The following MTCL2 variants were observed in gnomAD, a reference collection of about 807,000 sequenced individuals.
MTCL2 encodes the protein microtubule crosslinking factor 2, also known as microtubule cross-linking factor 2.
chr20:36,786,545 C>T, the MTCL2 span: 2 of 1,551,118 alleles, frequency 1.3e-6, no homozygotes, highest in Admixed American at 2.0e-5. Context: ...AAGGGTGCAG[C>T]CTGCACTTGG....
At chr20:36,808,847 G>A in the MTCL2 span, 1 of 1,008,470 alleles carries the variant, frequency 9.9e-7, no homozygotes, top group Non-Finnish European at 1.4e-6. Context: ...GGTGGTGCCT[G>A]TGAGTGATCC....
At chr20:36,856,861 T>C in the MTCL2 span, among the ~76,000 whole-genome samples, 2 of 151,964 alleles carry the variant, frequency 1.3e-5, no homozygotes, top group African/African-American at 2.4e-5. Flanking sequence ...TGTGTGTGCG[T>C]GCGCGCACGT....
chr20:36,815,756 A>G, the MTCL2 span: 2 of 1,591,354 alleles, frequency 1.3e-6, no homozygotes, highest in Admixed American at 3.5e-5. The surrounding 1 kb of genome is among the most constrained non-coding windows in gnomAD (Gnocchi z 5.3). Context: ...TGAGCACAGA[A>G]CAACTGTCCT....
chr20:36,801,463 C>A, the MTCL2 span, among the ~76,000 whole-genome samples: 4 of 151,530 alleles, frequency 2.6e-5, no homozygotes, highest in South Asian at 8.3e-4. Flanking sequence ...AAAGGCCCAG[C>A]GACTCGGGAG....
the MTCL2 span, among the ~76,000 whole-genome samples, chr20:36,816,973 A>C: frequency 6.6e-6 from 1 of 152,100 alleles, no homozygotes; most frequent in Non-Finnish European, 1.5e-5. Context: ...AAACTAAGAA[A>C]ATGAGCAAGG....
the MTCL2 span, among the ~76,000 whole-genome samples, chr20:36,824,909 C>T: frequency 1.3e-4 from 19 of 151,648 alleles, no homozygotes; most frequent in African/African-American, 4.4e-4. Flanking sequence ...CTGCCTCGGC[C>T]TCCCAAAGTG....
At chr20:36,861,204 G>T in the MTCL2 span, among the ~76,000 whole-genome samples, 1 of 152,160 alleles carries the variant, frequency 6.6e-6, no homozygotes, top group Non-Finnish European at 1.5e-5. Context: ...AAAGACCCTT[G>T]TCCTGGCTCG....
the MTCL2 span, chr20:36,794,020 C>T: frequency 3.2e-6 from 5 of 1,551,562 alleles, no homozygotes; most frequent in South Asian, 1.2e-5. This position sits in a 1 kb window ranked among gnomAD's most constrained non-coding sequence, Gnocchi z 5.4. Flanking sequence ...AGCGCATGGC[C>T]TGGCGCACAC....
At chr20:36,786,786 CT>C in the MTCL2 span, 1 of 685,618 alleles carries the variant, frequency 1.5e-6, no homozygotes, top group Non-Finnish European at 2.4e-6. Context: ...CCAATTTTTT[CT>C]TTCTGTTGTT....
At chr20:36,858,057 C>A in the MTCL2 span, among the ~76,000 whole-genome samples, 3 of 152,158 alleles carry the variant, frequency 2.0e-5, no homozygotes, top group Non-Finnish European at 4.4e-5. Context: ...GACAGGATTC[C>A]TCTCACCAAA....
the MTCL2 span, among the ~76,000 whole-genome samples, chr20:36,855,099 C>T: frequency 6.6e-6 from 1 of 152,206 alleles, no homozygotes; most frequent in Non-Finnish European, 1.5e-5. Flanking sequence ...ACGGGGGTCA[C>T]ACCAGAGCCA....
At chr20:36,796,947 G>T in the MTCL2 span, 8 of 1,613,962 alleles carry the variant, frequency 5.0e-6, no homozygotes, top group Non-Finnish European at 6.8e-6. Context: ...TCTTCTCACT[G>T]CGTGTCTGTC....
the MTCL2 span, chr20:36,808,519 G>A: frequency 1.7e-5 from 27 of 1,593,278 alleles, no homozygotes; most frequent in Middle Eastern, 1.6e-4. Context: ...TTACCTCGAG[G>A]AAGTCATCCC....
the MTCL2 span, among the ~76,000 whole-genome samples, chr20:36,811,638 A>C: frequency 9.9e-5 from 15 of 152,220 alleles, no homozygotes; most frequent in Admixed American, 8.5e-4. Context: ...TAAAAAAAAA[A>C]AAACAAAAAA....
chr20:36,862,652 C>A, the MTCL2 span: 1 of 1,493,940 alleles, frequency 6.7e-7, no homozygotes. Context: ...ACCCGGGCGC[C>A]CCCACCTTGA....
the MTCL2 span, among the ~76,000 whole-genome samples, chr20:36,852,343 G>A: frequency 6.6e-6 from 1 of 152,132 alleles, no homozygotes; most frequent in Non-Finnish European, 1.5e-5. Flanking sequence ...CGGAAGGGCT[G>A]CTCTGTGGAG....
chr20:36,852,314 G>A, the MTCL2 span, among the ~76,000 whole-genome samples: 2 of 142,148 alleles, frequency 1.4e-5, no homozygotes, highest in Non-Finnish European at 1.6e-5. Context: ...GCCCGGGCCC[G>A]GGCCACTCAC....
the MTCL2 span, among the ~76,000 whole-genome samples, chr20:36,799,417 G>C: frequency 6.6e-6 from 1 of 152,114 alleles, no homozygotes; most frequent in Admixed American, 6.6e-5. Flanking sequence ...GTTTGAACGC[G>C]GGAGGCAGAG....
the MTCL2 span, among the ~76,000 whole-genome samples, chr20:36,831,829 G>A: frequency 2.0e-5 from 3 of 152,210 alleles, no homozygotes; most frequent in African/African-American, 7.2e-5. Context: ...TACTGGCTAT[G>A]TGACCCAGGT....
Sources: allele counts gnomAD v4.1 joint callset (sites outside exome capture counted in the v4.1 genomes callset), GRCh38; gene constraint gnomAD v4.1.1; non-coding constraint Gnocchi (gnomAD v3.1); transcripts MANE v1.5; gene names NCBI Gene and HGNC (gene_info 2026-07-23, HGNC 2026-07-21).